Variants in FHIT observed in about 807,000 individuals in gnomAD.
FHIT encodes the protein fragile histidine triad diadenosine triphosphatase, also known as bis(5'-adenosyl)-triphosphatase.
A neutral mutation model predicts 17.9 loss-of-function variants in FHIT; 19 were observed. The observed-to-expected ratio is 1.06, with a 90% CI of 0.74 to 1.56. The LOEUF (loss-of-function observed/expected upper bound fraction) is 1.56. Ranked by LOEUF, FHIT falls within the 40% of genes most tolerant of loss-of-function variation. The pLI, the probability that FHIT is intolerant of heterozygous loss-of-function variation, is 0.00. For synonymous variants in FHIT, 81 were observed against 69.7 expected (o/e 1.16, Z -0.81); for missense variants, 248 against 189.2 (o/e 1.31, Z -1.82).
chr3:60,302,966 G>T (rs922170290), intron 5 of FHIT, among the ~76,000 whole-genome samples: 1 of 152,098 alleles, frequency 6.6e-6, no homozygotes, highest in African/African-American at 2.4e-5. Context: ...TGAAAGCTTT[G>T]TTAATAAGTT....
At chr3:59,817,991 G>T (rs1160270166) in intron 8 of FHIT, among the ~76,000 whole-genome samples, 1 of 152,084 alleles carries the variant, frequency 6.6e-6, no homozygotes, top group Non-Finnish European at 1.5e-5. Context: ...AAACTATAGA[G>T]ACCACTGTGT....
intron 4 of FHIT, among the ~76,000 whole-genome samples, chr3:60,572,247 T>TAC (rs146343163): frequency 0.041 from 6,309 of 152,110 alleles, 432 homozygotes; most frequent in African/African-American, 0.14. Context: ...TGCATGCATA[T>TAC]ACACACACAG....
intron 5 of FHIT, among the ~76,000 whole-genome samples, chr3:60,177,485 G>T (rs368705277): frequency 6.6e-6 from 1 of 152,158 alleles, no homozygotes; most frequent in Non-Finnish European, 1.5e-5. Context: ...GAGGTAAAAG[G>T]AATGATTCTA....
At chr3:60,217,327 A>G (rs576972817) in intron 5 of FHIT, among the ~76,000 whole-genome samples, 42 of 152,316 alleles carry the variant, frequency 2.8e-4, no homozygotes, top group Non-Finnish European at 5.1e-4. Flanking sequence ...CGAAGAAAAG[A>G]CAAAACATGA....
At chr3:60,302,653 T>A (rs999183743) in intron 5 of FHIT, among the ~76,000 whole-genome samples, 1 of 152,146 alleles carries the variant, frequency 6.6e-6, no homozygotes, top group African/African-American at 2.4e-5. Flanking sequence ...ATTTCAAAGG[T>A]TGTCTTTCGT....
intron 4 of FHIT, among the ~76,000 whole-genome samples, chr3:60,608,597 GA>G (rs575303096): frequency 6.6e-6 from 1 of 151,524 alleles, no homozygotes; most frequent in Non-Finnish European, 1.5e-5. Flanking sequence ...TTCCCACCAG[GA>G]AAAAAAGGAG....
chr3:60,730,840 AG>A (rs1393521153), intron 4 of FHIT, among the ~76,000 whole-genome samples: 1 of 152,062 alleles, frequency 6.6e-6, no homozygotes, highest in Non-Finnish European at 1.5e-5. Flanking sequence ...AGACAGGCCA[AG>A]TGCAGTGGCT....
At chr3:61,048,812 C>A (rs1260852183) in intron 2 of FHIT, among the ~76,000 whole-genome samples, 3 of 152,090 alleles carry the variant, frequency 2.0e-5, no homozygotes, top group Non-Finnish European at 2.9e-5. Context: ...ATGATGAGTT[C>A]ATGTCCTTTG....
At chr3:61,210,301 C>A (rs1021693200) in intron 1 of FHIT, among the ~76,000 whole-genome samples, 3 of 152,190 alleles carry the variant, frequency 2.0e-5, no homozygotes, top group Non-Finnish European at 4.4e-5. Context: ...TCTCAAGCTG[C>A]GTGCTGGGAG....
chr3:60,474,925 CACAAT>C (rs1436399505), intron 5 of FHIT, among the ~76,000 whole-genome samples: 124 of 152,204 alleles, frequency 8.1e-4, no homozygotes, highest in African/African-American at 2.8e-3. Flanking sequence ...ACCTGGCCAA[CACAAT>C]ACAATTCCAA....
At chr3:59,905,195 A>G (rs777242169) in intron 8 of FHIT, among the ~76,000 whole-genome samples, 7 of 152,214 alleles carry the variant, frequency 4.6e-5, no homozygotes, top group Non-Finnish European at 1.0e-4. Flanking sequence ...CCTGGGGAGT[A>G]CAATCCCAGA....
chr3:60,131,820 T>G (rs1360000579), intron 5 of FHIT, among the ~76,000 whole-genome samples: 1 of 152,112 alleles, frequency 6.6e-6, no homozygotes, highest in Non-Finnish European at 1.5e-5. Flanking sequence ...CTGCTTGCTT[T>G]CCTATCTCTT....
chr3:59,771,746 C>T (rs492234), intron 8 of FHIT, among the ~76,000 whole-genome samples: 1 of 152,000 alleles, frequency 6.6e-6, no homozygotes, highest in African/African-American at 2.4e-5. Context: ...ACACTCAAGA[C>T]ACAGACTTCT....
intron 5 of FHIT, among the ~76,000 whole-genome samples, chr3:60,295,470 G>T (rs968800676): frequency 6.6e-6 from 1 of 152,012 alleles, no homozygotes; most frequent in African/African-American, 2.4e-5. Context: ...GCAAGAGAGA[G>T]GGTAAAGGTG....
chr3:60,274,160 T>A (rs1343558521), intron 5 of FHIT, among the ~76,000 whole-genome samples: 1 of 152,110 alleles, frequency 6.6e-6, no homozygotes, highest in Non-Finnish European at 1.5e-5. Context: ...TTATACAGGG[T>A]TACACGATTT....
At chr3:60,312,811 TG>T (rs1337767749) in intron 5 of FHIT, among the ~76,000 whole-genome samples, 1 of 152,196 alleles carries the variant, frequency 6.6e-6, no homozygotes, top group Non-Finnish European at 1.5e-5. Flanking sequence ...GCTAACAATT[TG>T]AATAGGAACA....
intron 2 of FHIT, among the ~76,000 whole-genome samples, chr3:61,177,176 CA>C (rs776705930): frequency 8.1e-4 from 75 of 92,354 alleles, no homozygotes; most frequent in Admixed American, 7.7e-4. Flanking sequence ...GACTCCATCT[CA>C]AAAAAAAAAA....
chr3:61,105,475 G>T (rs913764063), intron 2 of FHIT, among the ~76,000 whole-genome samples: 3 of 152,016 alleles, frequency 2.0e-5, no homozygotes, highest in African/African-American at 7.2e-5. Flanking sequence ...CAGTAATGCT[G>T]CTCTTACATT....
At chr3:60,336,748 C>A (rs1478481156) in intron 5 of FHIT, among the ~76,000 whole-genome samples, 1 of 152,020 alleles carries the variant, frequency 6.6e-6, no homozygotes, top group Non-Finnish European at 1.5e-5. Flanking sequence ...CGTTAGACAG[C>A]ATTGAATTAG....
Sources: allele counts gnomAD v4.1 joint callset (sites outside exome capture counted in the v4.1 genomes callset), GRCh38; gene constraint gnomAD v4.1.1; transcripts MANE v1.5; gene names NCBI Gene and HGNC (gene_info 2026-07-23, HGNC 2026-07-21).